NEBL: variants seen among roughly 807,000 people sequenced by gnomAD.
NEBL encodes LIM and SH3 protein 2.
Under a neutral mutation model 140.2 loss-of-function variants are expected in NEBL, and 122 were observed. The observed-to-expected ratio is 0.87, with a 90% CI of 0.75 to 1.01. The LOEUF is 1.01. Among genes scored for constraint, NEBL ranks in the 50% least tolerant of loss-of-function variants. The pLI, the probability that NEBL is intolerant of heterozygous loss-of-function variation, is 0.00. For synonymous variants in NEBL, 436 were observed against 398.9 expected, an observed-to-expected ratio of 1.09 and a Z score of -1.11; for missense variants, 1,365 against 1,231.3, an observed-to-expected ratio of 1.11 and a Z score of -1.62.
intron 1 of NEBL, among the ~76,000 whole-genome samples, chr10:21,288,666 C>A (rs1167598401): frequency 8.3e-5 from 12 of 144,054 alleles, no homozygotes; most frequent in Non-Finnish European, 3.0e-5. Context: ...GAGGCTGAGG[C>A]AGAGAATTGC....
chr10:20,823,181 TA>T (rs766867689), intron 19 of NEBL, 26 bp downstream of exon 19: 9 of 1,541,040 alleles, frequency 5.8e-6, no homozygotes, highest in African/African-American at 1.4e-5. Context: ...ATAAAATTTT[TA>T]AAAAATACTT....
chr10:21,289,455 C>T (rs1843112766), intron 1 of NEBL, among the ~76,000 whole-genome samples: 1 of 152,212 alleles, frequency 6.6e-6, no homozygotes, highest in African/African-American at 2.4e-5. Flanking sequence ...CTAAAATATG[C>T]TTTGGAATTG....
chr10:20,845,227 T>G, intron 12 of NEBL, 31 bp downstream of exon 12: 1 of 1,340,484 alleles, frequency 7.5e-7, no homozygotes, highest in Non-Finnish European at 1.1e-6. Flanking sequence ...CTTTTCTTCA[T>G]AATATTTAAT....
chr10:21,061,212 T>C (rs1427443408), intron 2 of NEBL, among the ~76,000 whole-genome samples: 1 of 141,076 alleles, frequency 7.1e-6, no homozygotes, highest in Admixed American at 7.3e-5. Flanking sequence ...TCATATAATA[T>C]AGAGAGATGT....
At chr10:21,166,709 G>T (rs1400792151) in intron 2 of NEBL, among the ~76,000 whole-genome samples, 1 of 152,176 alleles carries the variant, frequency 6.6e-6, no homozygotes, top group African/African-American at 2.4e-5. Flanking sequence ...GCAATCGAGA[G>T]ACTTGCTCAG....
intron 3 of NEBL, among the ~76,000 whole-genome samples, chr10:20,962,219 G>A (rs902957054): frequency 1.3e-5 from 2 of 152,204 alleles, no homozygotes; most frequent in African/African-American, 2.4e-5. Flanking sequence ...TTCTCCTCCT[G>A]TGCCCGCCTG....
chr10:20,830,745 AAAG>A (rs1051176052), intron 16 of NEBL, among the ~76,000 whole-genome samples: 3 of 151,194 alleles, frequency 2.0e-5, no homozygotes, highest in African/African-American at 7.3e-5. Context: ...AAAAAAAAAA[AAAG>A]AAAGAAAGAA....
chr10:20,782,547 A>G lies in NEBL; in HGVS notation c.*3200T>C, dbSNP rs1041016300. The stretch of plus-strand genomic sequence containing the variant: ...ATAAGGAAAGACTGTGGCACATTGG[A>G]AAAACCAGATCTGCATCTTCTTCAA... On this transcript the variant is annotated 3_prime_UTR_variant, in exon 28 of 28. Transcript: ENST00000377122. 4 of 152,266 alleles carry G rather than the reference A, an allele frequency of 2.6e-5. No individual in the cohort carries two copies. Among genetic ancestry groups the G allele is most frequent in the African/African-American group, 9.7e-5 (4 of 41,448 alleles). The allele number at this position is 152,266 out of a possible 1,614,324, so 9.4% of individuals were successfully genotyped here. A position where few individuals can be genotyped will look rare whatever the true frequency, so the allele number is the denominator to read the frequency against.
intron 3 of NEBL, among the ~76,000 whole-genome samples, chr10:21,236,741 A>T (rs1258911650): frequency 6.6e-6 from 1 of 152,202 alleles, no homozygotes; most frequent in African/African-American, 2.4e-5. Flanking sequence ...TTTAGGCCCC[A>T]AAATGAACCC....
chr10:20,810,461 T>A (rs1838028543), intron 24 of NEBL, among the ~76,000 whole-genome samples: 1 of 152,234 alleles, frequency 6.6e-6, no homozygotes, highest in African/African-American at 2.4e-5. Context: ...GAGTGCAAGC[T>A]AAGTGTATCT....
chr10:20,800,412 C>T (rs759002077), intron 26 of NEBL, among the ~76,000 whole-genome samples: 21 of 152,134 alleles, frequency 1.4e-4, no homozygotes, highest in Non-Finnish European at 2.4e-4. Context: ...TTGGCTATTA[C>T]GATAAAAATG....
At chr10:21,022,920 C>G (rs996387812) in intron 2 of NEBL, among the ~76,000 whole-genome samples, 4 of 152,180 alleles carry the variant, frequency 2.6e-5, no homozygotes, top group Non-Finnish European at 5.9e-5. Context: ...CAGGTAAGGT[C>G]TTTTGCTCTC....
Position 21,134,302 on chromosome 10 carries a change from C to A in NEBL, c.164+38081G>T, listed in dbSNP as rs150545228. On this transcript the variant is annotated intron_variant, in intron 2 of 6. Coordinates refer to the NEBL transcript ENST00000417816. ...AAATAAGACTACAGTTGAATTAAGT[C>A]ATGTCCTACTCTCCTAGACTCAAAG... Among the ~76,000 whole-genome samples, 330 of 151,902 alleles carry A rather than the reference C, an allele frequency of 2.2e-3. 2 individuals carry two copies. The highest frequency in any genetic ancestry group is 7.4e-3 in the African/African-American group (308 of 41,422).
rs948446034 is a variant in NEBL at position 21,166,540 on chromosome 10, G to T, written c.164+5843C>A. 6.6e-5 allele frequency among the ~76,000 whole-genome samples: 10 copies of T among 152,104 alleles called. No individual in the cohort carries two copies. The South Asian group carries it at 1.9e-3, about 28-fold the overall frequency. On this transcript the variant is annotated intron_variant, in intron 2 of 6. Coordinates refer to the NEBL transcript ENST00000417816. ...CACTCTTTCTTCACCCCTCAAAAAAGTACCAATGAGGAAAGACGGACACTA... is the reference window on the plus strand; with the variant it reads ...CACTCTTTCTTCACCCCTCAAAAAATTACCAATGAGGAAAGACGGACACTA...
chr10:21,122,335 C>T (rs1253068207), intron 2 of NEBL, among the ~76,000 whole-genome samples: 1 of 151,990 alleles, frequency 6.6e-6, no homozygotes, highest in African/African-American at 2.4e-5. Context: ...CGGGATCTCT[C>T]CCACTGTTCT....
rs139225439 is a variant in NEBL, at chr10:20,829,037, T to C, written c.1672-403A>G. ...GTACTTACTATGTAATGGGTATTGTTCTAAATACTTAACACACACTAACTC... is the reference window on the plus strand; with the variant it reads ...GTACTTACTATGTAATGGGTATTGTCCTAAATACTTAACACACACTAACTC... On this transcript the variant is annotated intron_variant, in intron 16 of 27. Transcript: ENST00000377122. 1.2e-3 allele frequency among the ~76,000 whole-genome samples: 189 copies of C among 152,244 alleles called. 1 individual carries two copies. The highest frequency in any genetic ancestry group is 1.6e-3 in the Non-Finnish European group (109 of 68,018).
intron 3 of NEBL, among the ~76,000 whole-genome samples, chr10:20,889,556 A>C (rs1001030153): frequency 2.0e-5 from 3 of 152,188 alleles, no homozygotes; most frequent in African/African-American, 7.2e-5. Flanking sequence ...CAGTGCTTTT[A>C]CTTATTTAAT....
intron 5 of NEBL, among the ~76,000 whole-genome samples, chr10:20,875,718 T>TAGCCAGCCAGCCAGCC (rs575325601): frequency 7.9e-5 from 12 of 151,728 alleles, no homozygotes; most frequent in Admixed American, 2.0e-4. Context: ...GCAGGAGTGA[T>TAGCCAGCCAGCCAGCC]AGCCAGCCAG....
At chr10:20,872,511 A>G (rs1217590472) in intron 5 of NEBL, among the ~76,000 whole-genome samples, 1 of 152,082 alleles carries the variant, frequency 6.6e-6, no homozygotes, top group African/African-American at 2.4e-5. Context: ...ACAGATTCCT[A>G]CACGTAACCC....
Sources: gnomAD v4.1 joint callset for allele counts (sites outside exome capture counted in the v4.1 genomes callset) on GRCh38, gnomAD v4.1.1 for gene constraint, MANE v1.5 for transcripts, NCBI Gene and HGNC (gene_info 2026-07-23, HGNC 2026-07-21) for gene names.